STAU1: variants seen among roughly 807,000 people sequenced by gnomAD.
The protein encoded by STAU1 is staufen double-stranded RNA binding protein 1, also known as double-stranded RNA-binding protein Staufen homolog 1.
STAU1 carries 13 observed loss-of-function variants against 62.9 expected under a neutral mutation model. The observed-to-expected ratio is 0.21, with a 90% CI of 0.13 to 0.33. STAU1 has a LOEUF of 0.33. STAU1 is among the 10% of genes least tolerant of loss of function. STAU1 has a pLI of 1.00. For synonymous variants in STAU1, 269 were observed against 265.1 expected, an observed-to-expected ratio of 1.01 and a Z score of -0.14; for missense variants, 571 against 712.1, an observed-to-expected ratio of 0.80 and a Z score of 2.25.
chr20:49,161,984 T>A (rs2093455454), intron 3 of STAU1, among the ~76,000 whole-genome samples: 1 of 152,138 alleles, frequency 6.6e-6, no homozygotes, highest in African/African-American at 2.4e-5. Flanking sequence ...TCACTGCTAT[T>A]AAAACCAACT....
intron 4 of STAU1, among the ~76,000 whole-genome samples, chr20:49,152,291 A>G (rs996494286): frequency 2.0e-5 from 3 of 150,824 alleles, no homozygotes; most frequent in African/African-American, 7.3e-5. Context: ...CCCAACAGAG[A>G]GCAGGGAAAT....
chr20:49,188,384 G>A (rs566102561), upstream of STAU1: 15 of 151,924 alleles, frequency 9.9e-5, no homozygotes, highest in African/African-American at 3.1e-4. Flanking sequence ...GGAGGGGCAG[G>A]CGCCCGCCCC....
intron 6 of STAU1, among the ~76,000 whole-genome samples, chr20:49,125,198 C>CAAAAAAAAAAAAAAAAAAAAAAAAA (rs1171534142): frequency 1.2e-4 from 4 of 33,732 alleles, no homozygotes; most frequent in Middle Eastern, 0.056. Context: ...CTCATTTTTG[C>CAAAAAAAAAAAAAAAAAAAAAAAAA]AAAAAAAAAA....
In STAU1 at chr20:49,173,412, T is replaced by C. The variant is rs543538049; in HGVS notation, c.-85+783A>G. Among the ~76,000 whole-genome samples, 7 of 152,168 alleles carry C rather than the reference T, an allele frequency of 4.6e-5. No individual in the cohort carries two copies. The East Asian group carries it at 9.7e-4, about 21-fold the overall frequency. ...GCCGAGGTGAGCCAACATGGCGCCATTGCACTCCAACCTGGGCAACAAGAG... is the reference window on the plus strand; with the variant it reads ...GCCGAGGTGAGCCAACATGGCGCCACTGCACTCCAACCTGGGCAACAAGAG... On this transcript the variant is annotated intron_variant, in intron 2 of 13. Coordinates refer to ENST00000371856, the MANE Select transcript of STAU1 (RefSeq NM_017453.4).
upstream of STAU1, among the ~76,000 whole-genome samples, chr20:49,190,807 G>A (rs929991056): frequency 6.6e-6 from 1 of 151,938 alleles, no homozygotes; most frequent in Non-Finnish European, 1.5e-5. Context: ...AGTATGTTAC[G>A]ATAAATTATG....
At chr20:49,201,044 CAAAAAAAAAAAAAAAAA>C in the STAU1 span, among the ~76,000 whole-genome samples, 54 of 31,512 alleles carry the variant, frequency 1.7e-3, no homozygotes, top group African/African-American at 5.2e-3. Context: ...GACCCACTCT[CAAAAAAAAAAAAAAAAA>C]AAAAAAAAAA....
At chr20:49,199,282 T>G in the STAU1 span, among the ~76,000 whole-genome samples, 4 of 151,050 alleles carry the variant, frequency 2.6e-5, no homozygotes, top group African/African-American at 9.7e-5. Flanking sequence ...CCAGGCTGGA[T>G]TGCAGTGGCG....
rs1277178278 is a variant in STAU1 at position 49,151,725 on chromosome 20, G to A, written c.367C>T (p.Pro123Ser). The A allele has an allele frequency of 1.2e-6, 2 of 1,609,516 alleles. No individual in the cohort carries two copies. Among genetic ancestry groups the A allele is most frequent in the Admixed American group, 3.4e-5 (2 of 58,716 alleles). Reference protein sequence around the residue: ...PPRYFYPFPVPPLLYQVELSV... With the variant: ...PPRYFYPFPVSPLLYQVELSV... ...AGTTCCACTTGATAAAGTAAAGGTG[G>A]AACTGGAAATGGGTAAAAGTACCTA... The change falls in exon 5 of 14, where the codon CCA (proline) becomes TCA (serine). Residue 123 changes from proline (P) to serine (S), a missense_variant. Around this residue, in one of 3 missense-constraint regions of STAU1, gnomAD observed 414 missense variants for 499.6 expected, o/e 0.83. Coordinates refer to ENST00000371856, the MANE Select transcript of STAU1 (RefSeq NM_017453.4).
rs754717987 is a variant in STAU1 at position 49,153,940 on chromosome 20, G to T, written c.337C>A (p.Pro113Thr). 3 of 1,586,436 alleles carry T rather than the reference G, an allele frequency of 1.9e-6. No individual in the cohort carries two copies. Among genetic ancestry groups the T allele is most frequent in the African/African-American group, 2.8e-5 (2 of 72,586 alleles). The part of the protein sequence containing the change: ...YNYNMRGGAY[P>T]PRYFYPFPVP... ...AAAAAAAAAAACACATACCTCGGGG[G>T]ATAAGCACCTCCTCTCATGTTGTAG... is the stretch of plus-strand genomic sequence containing the variant. The change falls in exon 4 of 14, where the codon CCC (proline) becomes ACC (threonine). Residue 113 changes from proline (P) to threonine (T), a missense_variant. Pro to Thr is a conservative substitution (Grantham distance 38). Transcript: ENST00000371856.
chr20:49,162,406 T>C (rs1168455395), intron 3 of STAU1, among the ~76,000 whole-genome samples: 2 of 152,138 alleles, frequency 1.3e-5, no homozygotes, highest in Non-Finnish European at 2.9e-5. Flanking sequence ...TGCTATCTGG[T>C]GAACCAGTCC....
At chr20:49,205,340 G>A in the STAU1 span, among the ~76,000 whole-genome samples, 1 of 148,168 alleles carries the variant, frequency 6.7e-6, no homozygotes, top group Non-Finnish European at 1.5e-5. Flanking sequence ...CTGGTCTCTA[G>A]ATAATTTCTA....
upstream of STAU1, among the ~76,000 whole-genome samples, chr20:49,192,265 G>A (rs2093832252): frequency 6.7e-6 from 1 of 148,890 alleles, no homozygotes; most frequent in Admixed American, 6.8e-5. Flanking sequence ...AGAATGGCGT[G>A]AACCCAGGAG....
At chr20:49,173,017 T>C (rs973185147) in intron 2 of STAU1, among the ~76,000 whole-genome samples, 2 of 151,848 alleles carry the variant, frequency 1.3e-5, no homozygotes, top group Middle Eastern at 3.2e-3. Flanking sequence ...TAATGTTTTT[T>C]GTATTTTTAG....
chr20:49,117,041 T>C lies in STAU1; in HGVS notation c.1632+85A>G. 1 of 1,534,474 alleles carries C rather than the reference T, an allele frequency of 6.5e-7. No individual in the cohort carries two copies. The highest frequency in any genetic ancestry group is 1.2e-5 in the South Asian group (1 of 82,696). On this transcript the variant is annotated intron_variant, in intron 12 of 13. Coordinates refer to ENST00000371856, the MANE Select transcript of STAU1 (RefSeq NM_017453.4). This position sits in a 1 kb window ranked among gnomAD's most constrained non-coding sequence, Gnocchi z 4.6. The stretch of plus-strand genomic sequence containing the variant: ...TCTATGGGACAATCTTTCTCCCATC[T>C]TCCTCAGGCTAGTAACAAGCTGAAC...
chr20:49,125,067 T>A (rs1600630116), intron 6 of STAU1, among the ~76,000 whole-genome samples: 3 of 62,108 alleles, frequency 4.8e-5, no homozygotes, highest in African/African-American at 7.2e-5. Flanking sequence ...CCGCACACAT[T>A]AAGTAAAAAA....
chr20:49,194,586 T>TTAC, the STAU1 span, among the ~76,000 whole-genome samples: 2 of 152,060 alleles, frequency 1.3e-5, no homozygotes, highest in Non-Finnish European at 2.9e-5. Flanking sequence ...ATTATTACTA[T>TTAC]TATTATTTTG....
intron 4 of STAU1, among the ~76,000 whole-genome samples, chr20:49,153,709 T>C (rs1405036240): frequency 5.2e-5 from 1 of 19,216 alleles, no homozygotes; most frequent in African/African-American, 3.0e-4. Context: ...AGACTCTGTC[T>C]CAAAAAAAAA....
intron 5 of STAU1, among the ~76,000 whole-genome samples, chr20:49,137,651 A>G (rs1027540567): frequency 3.3e-5 from 5 of 151,910 alleles, no homozygotes; most frequent in Non-Finnish European, 7.4e-5. Context: ...TTTATCAGGT[A>G]TATTCCACCT....
intron 2 of STAU1, among the ~76,000 whole-genome samples, chr20:49,172,627 C>T (rs990427022): frequency 2.0e-5 from 3 of 152,132 alleles, no homozygotes; most frequent in African/African-American, 7.2e-5. Flanking sequence ...CATTTACCAC[C>T]ATCTTCATGC....
Sources: gnomAD v4.1 joint callset for allele counts (sites outside exome capture counted in the v4.1 genomes callset) on GRCh38, gnomAD v4.1.1 for gene constraint, gnomAD v4.1.1 regional missense constraint, Gnocchi (gnomAD v3.1) non-coding constraint, MANE v1.5 for transcripts, NCBI Gene and HGNC (gene_info 2026-07-23, HGNC 2026-07-21) for gene names.